ACAD10: variants seen among roughly 807,000 people sequenced by gnomAD.
ACAD10 encodes acyl-CoA dehydrogenase family member 10.
ACAD10 carries 112 observed loss-of-function variants against 116.8 expected under a neutral mutation model. The ratio of observed to expected loss-of-function variants is 0.96; its 90% CI spans 0.82 to 1.12. ACAD10 has a LOEUF of 1.12. Among genes scored for constraint, ACAD10 ranks in the 50% most tolerant of loss-of-function variants. The pLI is 0.00. For missense variants in ACAD10, 1,259 were observed against 1,350.2 expected, an observed-to-expected ratio of 0.93 and a Z score of 1.06; for synonymous variants, 486 against 510.6, an observed-to-expected ratio of 0.95 and a Z score of 0.65.
chr12:111,747,551 C>G, intron 16 of ACAD10, 166 bp downstream of exon 16: 3 of 1,454,912 alleles, frequency 2.1e-6, no homozygotes, highest in Non-Finnish European at 2.7e-6. Flanking sequence ...GAGGGTAATC[C>G]GTGGAGCACA....
chr12:111,693,180 G>T, intron 2 of ACAD10: 1 of 400,872 alleles, frequency 2.5e-6, no homozygotes, highest in Non-Finnish European at 4.6e-6. Context: ...GCTTAGCACA[G>T]TGATTGCTCA....
At chr12:111,728,560 T>C (rs535236502) in intron 9 of ACAD10, among the ~76,000 whole-genome samples, 1 of 152,270 alleles carries the variant, frequency 6.6e-6, no homozygotes, top group Non-Finnish European at 1.5e-5. Flanking sequence ...TTTTTTGAGA[T>C]GGGGGTCTCA....
At chr12:111,734,799 CAAA>C (rs1426134972) in intron 11 of ACAD10, among the ~76,000 whole-genome samples, 1 of 152,082 alleles carries the variant, frequency 6.6e-6, no homozygotes, top group Admixed American at 6.6e-5. Flanking sequence ...TAAAACAAAA[CAAA>C]AATGTAACAT....
intron 20 of ACAD10, chr12:111,756,093 C>A: frequency 7.3e-7 from 1 of 1,375,420 alleles, no homozygotes; most frequent in Non-Finnish European, 9.5e-7. Context: ...ATCCTAACCC[C>A]CGGCCCCAGC....
chr12:111,695,913 C>T (rs1395658328), intron 2 of ACAD10, among the ~76,000 whole-genome samples: 1 of 151,614 alleles, frequency 6.6e-6, no homozygotes, highest in Non-Finnish European at 1.5e-5. Flanking sequence ...ACTCTGGAGG[C>T]TGAGCAGGGA....
Position 111,748,376 on chromosome 12 carries a change from C to G in ACAD10, c.2545C>G (p.Pro849Ala). 6.2e-7 allele frequency: 1 copy of G among 1,614,140 alleles called. No individual in the cohort carries two copies. The highest frequency in any genetic ancestry group is 8.5e-7 in the Non-Finnish European group (1 of 1,180,032). ...TATGGGAAAAACAGACCCACATGCA[C>G]CAAGACACCGGCAGCAGTCTGTGCT... ...VFMGKTDPHA[P>A]RHRQQSVLLV... is the part of the protein sequence containing the mutation. Residue 849 changes from proline to alanine, a missense_variant, in exon 17 of 21, where the codon CCA becomes GCA. Coordinates refer to ENST00000313698, the MANE Select transcript of ACAD10 (RefSeq NM_025247.6).
At position 111,754,012 on chromosome 12, in the gene ACAD10, T is replaced by G. The variant is rs527908344; in HGVS notation, c.2961+97T>G. ...CCTGGCTTCTTGACATTAGAAACTT[T>G]ATTTCACCTCTACTTGGAGCTGTTT... On this transcript the variant is annotated intron_variant, in intron 19 of 20. Transcript: ENST00000313698. 3 of 1,442,986 alleles carry G rather than the reference T, an allele frequency of 2.1e-6. No individual in the cohort carries two copies. In the South Asian group the frequency reaches 4.4e-5, roughly 21 times the overall value. 89.4% of individuals were successfully genotyped at this position (1,442,986 alleles called of 1,614,324 possible). A position where few individuals can be genotyped will look rare whatever the true frequency, so the allele number is the denominator to read the frequency against.
intron 2 of ACAD10, among the ~76,000 whole-genome samples, chr12:111,698,771 C>T (rs939223995): frequency 1.4e-4 from 22 of 152,290 alleles, no homozygotes; most frequent in Admixed American, 1.0e-3. Flanking sequence ...CCACTGCGCC[C>T]GGCCGGTCAT....
chr12:111,756,305 C>A, intron 20 of ACAD10, 28 bp from the exon 21 acceptor site: 1 of 1,557,882 alleles, frequency 6.4e-7, no homozygotes. Flanking sequence ...TGACCCAGGG[C>A]CGCCTCCCTC....
Position 111,735,797 on chromosome 12 carries a change from T to C in ACAD10, c.1541-1034T>C, listed in dbSNP as rs1889536887. Among the ~76,000 whole-genome samples, 3 of 151,998 alleles carry C rather than the reference T, an allele frequency of 2.0e-5. No individual in the cohort carries two copies. The South Asian group carries it at 6.2e-4, about 31-fold the overall frequency. ...TGCTATAATTATCATTTTCATAATT[T>C]GGTGAGATCTTTTTATTTTTATATT... On this transcript the variant is annotated intron_variant, in intron 11 of 20. Coordinates refer to ENST00000313698, the MANE Select transcript of ACAD10 (RefSeq NM_025247.6).
intron 8 of ACAD10, among the ~76,000 whole-genome samples, chr12:111,726,033 C>CACTT (rs1360957230): frequency 6.6e-6 from 1 of 151,732 alleles, no homozygotes; most frequent in African/African-American, 2.4e-5. Context: ...GCAGATGGAT[C>CACTT]ACTTGAAGCC....
chr12:111,707,094 CT>C (rs1215153998), intron 4 of ACAD10, among the ~76,000 whole-genome samples: 1 of 133,386 alleles, frequency 7.5e-6, no homozygotes, highest in Non-Finnish European at 1.6e-5. Flanking sequence ...TGGGTACTCT[CT>C]TTTTTTTTCC....
At position 111,753,756 on chromosome 12, in the gene ACAD10, T is replaced by C; in HGVS notation, c.2818-16T>C. 1 of 1,613,744 alleles carries C rather than the reference T, an allele frequency of 6.2e-7. No individual in the cohort carries two copies. The highest frequency in any genetic ancestry group is 1.7e-5 in the Admixed American group (1 of 60,022). ...AGCCCAGCATGTCCTCAGCCGCACA[T>C]CTCCTGTGTCGACAGGTGAAGTCCC... is the stretch of plus-strand genomic sequence containing the variant. On this transcript the variant is annotated splice_polypyrimidine_tract_variant and intron_variant, in intron 18 of 20. Coordinates refer to ENST00000313698, the MANE Select transcript of ACAD10 (RefSeq NM_025247.6).
intron 1 of ACAD10, chr12:111,688,277 A>C (rs1401891157): frequency 1.3e-5 from 2 of 152,182 alleles, no homozygotes; most frequent in African/African-American, 4.8e-5. Flanking sequence ...CGTTAAGTAA[A>C]ACTGAAAATG....
At chr12:111,687,244 T>A (rs1566136527) in intron 1 of ACAD10, among the ~76,000 whole-genome samples, 1 of 152,206 alleles carries the variant, frequency 6.6e-6, no homozygotes. Context: ...ACAAGATACA[T>A]GCGTATATAG....
At chr12:111,709,054 A>G (rs560702475) in intron 4 of ACAD10, among the ~76,000 whole-genome samples, 1 of 152,270 alleles carries the variant, frequency 6.6e-6, no homozygotes, top group Admixed American at 6.5e-5. Flanking sequence ...GCAAAAAAAA[A>G]AAAAAATGGC....
intron 2 of ACAD10, among the ~76,000 whole-genome samples, chr12:111,697,509 T>C (rs1471001575): frequency 1.3e-5 from 2 of 150,548 alleles, no homozygotes; most frequent in Admixed American, 1.3e-4. Flanking sequence ...TACAGGTGTG[T>C]GCCACCATGC....
At chr12:111,695,937 C>A (rs1230815127) in intron 2 of ACAD10, among the ~76,000 whole-genome samples, 1 of 151,442 alleles carries the variant, frequency 6.6e-6, no homozygotes, top group Non-Finnish European at 1.5e-5. Context: ...CCACTTGAAC[C>A]CGGGAAACAG....
At chr12:111,728,564 G>A (rs986134060) in intron 9 of ACAD10, among the ~76,000 whole-genome samples, 6 of 152,102 alleles carry the variant, frequency 3.9e-5, no homozygotes, top group South Asian at 2.1e-4. Flanking sequence ...TTGAGATGGG[G>A]GTCTCACTGT....
Sources: gnomAD v4.1 joint callset for allele counts (sites outside exome capture counted in the v4.1 genomes callset) on GRCh38, gnomAD v4.1.1 for gene constraint, MANE v1.5 for transcripts, NCBI Gene and HGNC (gene_info 2026-07-23, HGNC 2026-07-21) for gene names.